Variants in NCKAP5 observed in about 807,000 individuals in gnomAD.
NCKAP5 encodes NCK associated protein 5, also known as nck-associated protein 5.
In NCKAP5, 92 loss-of-function variants were observed where a neutral mutation model predicts 167.0. The observed-to-expected ratio is 0.55, with a 90% CI of 0.47 to 0.66. NCKAP5 has a LOEUF of 0.66. Among genes scored for constraint, NCKAP5 ranks in the 30% least tolerant of loss-of-function variants. The probability of loss-of-function intolerance (pLI) is 0.00; values close to 1 mark genes in which losing one functional copy is unlikely to be tolerated. For synonymous variants in NCKAP5, 891 were observed against 877.4 expected, an observed-to-expected ratio of 1.02 and a Z score of -0.27; for missense variants, 2,378 against 2,315.0, an observed-to-expected ratio of 1.03 and a Z score of -0.56.
At chr2:133,494,097 G>A (rs888879619) in intron 3 of NCKAP5, among the ~76,000 whole-genome samples, 3 of 152,184 alleles carry the variant, frequency 2.0e-5, no homozygotes, top group Non-Finnish European at 2.9e-5. Context: ...AGACAGTGCC[G>A]TTGCACTGAT....
intron 3 of NCKAP5, among the ~76,000 whole-genome samples, chr2:133,347,514 T>C (rs1043834180): frequency 2.6e-5 from 4 of 151,956 alleles, no homozygotes; most frequent in African/African-American, 7.3e-5. Flanking sequence ...GATTATGCCA[T>C]TGCATTCTAG....
At chr2:133,455,495 C>T (rs1401863857) in intron 3 of NCKAP5, among the ~76,000 whole-genome samples, 1 of 152,068 alleles carries the variant, frequency 6.6e-6, no homozygotes, top group Non-Finnish European at 1.5e-5. Flanking sequence ...ATGCTCTACC[C>T]AGTGGAATAA....
intron 8 of NCKAP5, among the ~76,000 whole-genome samples, chr2:132,940,426 T>C (rs16843929): frequency 0.011 from 1,733 of 152,260 alleles, 20 homozygotes; most frequent in African/African-American, 0.039. Flanking sequence ...AAGACTTTCA[T>C]GGGGTATTTA....
chr2:133,361,698 A>T (rs1050925957), intron 3 of NCKAP5, among the ~76,000 whole-genome samples: 1 of 152,240 alleles, frequency 6.6e-6, no homozygotes, highest in African/African-American at 2.4e-5. Context: ...TGGGTTGAAC[A>T]TTGGAAAGAC....
At chr2:133,491,088 A>T (rs1057029354) in intron 3 of NCKAP5, among the ~76,000 whole-genome samples, 10 of 152,190 alleles carry the variant, frequency 6.6e-5, no homozygotes, top group African/African-American at 2.4e-4. Flanking sequence ...TCTCACATTC[A>T]TCTATGAGTT....
chr2:132,832,858 A>G (rs1365191234), intron 11 of NCKAP5, among the ~76,000 whole-genome samples: 1 of 152,028 alleles, frequency 6.6e-6, no homozygotes, highest in African/African-American at 2.4e-5. Flanking sequence ...TTGTATACGG[A>G]TTTATTTTCC....
At chr2:132,845,120 T>C (rs970846359) in intron 11 of NCKAP5, among the ~76,000 whole-genome samples, 36 of 152,170 alleles carry the variant, frequency 2.4e-4, no homozygotes, top group African/African-American at 5.8e-4. Context: ...TGTTAACTGT[T>C]AACTGTTAAC....
At chr2:133,385,496 G>A (rs1686880815) in intron 3 of NCKAP5, among the ~76,000 whole-genome samples, 1 of 152,170 alleles carries the variant, frequency 6.6e-6, no homozygotes, top group Admixed American at 6.5e-5. Flanking sequence ...AGGGATATTG[G>A]TCTAAAATTC....
At chr2:133,196,364 G>C (rs1029305956) in intron 5 of NCKAP5, among the ~76,000 whole-genome samples, 1 of 152,156 alleles carries the variant, frequency 6.6e-6, no homozygotes, top group Non-Finnish European at 1.5e-5. Flanking sequence ...AGAGCTAAGA[G>C]AGAATTACCC....
chr2:132,817,934 T>A (rs1028065510), intron 11 of NCKAP5, among the ~76,000 whole-genome samples: 23 of 152,226 alleles, frequency 1.5e-4, no homozygotes, highest in Non-Finnish European at 2.6e-4. Flanking sequence ...TAAAGGTTAA[T>A]GTTAAATTCT....
chr2:132,673,002 T>G lies in NCKAP5; in HGVS notation c.*287A>C, dbSNP rs1168750355. 2 of 925,948 alleles carry G rather than the reference T, an allele frequency of 2.2e-6. No individual in the cohort carries two copies. Among genetic ancestry groups the G allele is most frequent in the Non-Finnish European group, 1.2e-6 (1 of 801,978 alleles). The allele number at this position is 925,948 out of a possible 1,614,324, so 57.4% of individuals were successfully genotyped here. A position where few individuals can be genotyped will look rare whatever the true frequency, so the allele number is the denominator to read the frequency against. Reference sequence around the variant, plus strand: ...ATTTCTTAAGCGCTCCAGTCCCAGCTCACTAAGGGAAGAGATGTCCTTTAT... The same window carrying G: ...ATTTCTTAAGCGCTCCAGTCCCAGCGCACTAAGGGAAGAGATGTCCTTTAT... On this transcript the variant is annotated 3_prime_UTR_variant, in exon 20 of 20. Transcript: ENST00000409261.
In NCKAP5 at chr2:132,700,930, C is replaced by CGGG. The variant is rs67190492; in HGVS notation, c.5713+24694_5713+24696dup. 2.3e-3 allele frequency among the ~76,000 whole-genome samples: 261 copies of CGGG among 113,110 alleles called. 2 individuals carry two copies. The highest frequency in any genetic ancestry group is 8.8e-3 in the African/African-American group (235 of 26,556). The allele number at this position is 113,110 out of a possible 152,430, so 74.2% of individuals were successfully genotyped here. A position where few individuals can be genotyped will look rare whatever the true frequency, so the allele number is the denominator to read the frequency against. ...TGCATGCTGGTTACAATCCCCTGGG[C>CGGG]GGGGGGGGGGGCTTTTAAGCAATAC... On this transcript the variant is annotated intron_variant, in intron 19 of 19. Transcript: ENST00000409261.
intron 4 of NCKAP5, among the ~76,000 whole-genome samples, chr2:133,218,074 A>G (rs1405147035): frequency 6.6e-6 from 1 of 152,172 alleles, no homozygotes; most frequent in East Asian, 1.9e-4. Context: ...ATGCAGAAAA[A>G]CTGAGGATCC....
chr2:132,695,664 G>A lies in NCKAP5; in HGVS notation c.5714-22359C>T, dbSNP rs539576866. Among the ~76,000 whole-genome samples the A allele has an allele frequency of 3.9e-5, 6 of 152,262 alleles. No homozygotes were observed. In the South Asian group the frequency reaches 8.3e-4, roughly 21 times the overall value. ...CAGGAGCGAATCCAAAATAGGAAGC[G>A]TTGGTAGTTTGGGGCCTTATAATGT... On this transcript the variant is annotated intron_variant, in intron 19 of 19. Coordinates refer to ENST00000409261, the MANE Select transcript of NCKAP5 (RefSeq NM_207363.3).
chr2:132,771,807 G>A lies in NCKAP5; in HGVS notation c.5128+2009C>T, dbSNP rs548776144. ...CCTGCCTCAGCCTCCTGAGTAGCTG[G>A]GACTACAGGCACCCACAACCACGCC... On this transcript the variant is annotated intron_variant, in intron 16 of 19. Transcript: ENST00000409261. 4.6e-5 allele frequency among the ~76,000 whole-genome samples: 7 copies of A among 150,666 alleles called. No individual in the cohort carries two copies. The East Asian group carries it at 1.4e-3, about 29-fold the overall frequency.
chr2:132,741,693 A>G (rs768812613), intron 16 of NCKAP5, among the ~76,000 whole-genome samples: 2 of 152,080 alleles, frequency 1.3e-5, no homozygotes, highest in Non-Finnish European at 1.5e-5. Context: ...TAATTAGCAA[A>G]ACCTTCTAGA....
upstream of NCKAP5, among the ~76,000 whole-genome samples, chr2:133,570,520 A>G (rs1326372400): frequency 1.3e-5 from 2 of 152,130 alleles, no homozygotes; most frequent in Non-Finnish European, 2.9e-5. Flanking sequence ...ACTAGTTTTC[A>G]TTTCTGATCC....
At chr2:133,023,305 G>A (rs2078589574) in intron 6 of NCKAP5, among the ~76,000 whole-genome samples, 1 of 152,112 alleles carries the variant, frequency 6.6e-6, no homozygotes, top group Non-Finnish European at 1.5e-5. Flanking sequence ...TTTTCATACT[G>A]TCTCTTAGAC....
intron 16 of NCKAP5, among the ~76,000 whole-genome samples, chr2:132,741,070 C>A (rs1679141756): frequency 6.6e-6 from 1 of 151,966 alleles, no homozygotes; most frequent in African/African-American, 2.4e-5. Flanking sequence ...CCCACACAGA[C>A]CATGCCTTTA....
Sources: allele counts gnomAD v4.1 joint callset (sites outside exome capture counted in the v4.1 genomes callset), GRCh38; gene constraint gnomAD v4.1.1; transcripts MANE v1.5; gene names NCBI Gene and HGNC (gene_info 2026-07-23, HGNC 2026-07-21).